Variants in MPHOSPH9 observed in about 807,000 individuals in gnomAD.
MPHOSPH9 encodes the protein M-phase phosphoprotein 9.
Under a neutral mutation model 145.5 loss-of-function variants are expected in MPHOSPH9, and 88 were observed. That is an observed-to-expected ratio of 0.60 (90% CI 0.51 to 0.72). The LOEUF (loss-of-function observed/expected upper bound fraction) is 0.72, where lower values mean the gene tolerates loss of function less well. Ranked by LOEUF, MPHOSPH9 falls within the 30% of genes least tolerant of loss-of-function variation. The pLI is 0.00. For missense variants in MPHOSPH9, 1,238 were observed against 1,386.6 expected, an observed-to-expected ratio of 0.89 and a Z score of 1.70; for synonymous variants, 435 against 486.2, an observed-to-expected ratio of 0.89 and a Z score of 1.39.
chr12:123,203,502 T>G lies in MPHOSPH9; in HGVS notation c.1195-127A>C, dbSNP rs964308680. 13 of 844,668 alleles carry G rather than the reference T, an allele frequency of 1.5e-5. No homozygotes were observed. In the African/African-American group the frequency reaches 2.2e-4, roughly 15 times the overall value. 52.3% of individuals were successfully genotyped at this position (844,668 alleles called of 1,614,324 possible). A position where few individuals can be genotyped will look rare whatever the true frequency, so the allele number is the denominator to read the frequency against. On this transcript the variant is annotated intron_variant, in intron 8 of 23. Coordinates refer to ENST00000606320, the MANE Select transcript of MPHOSPH9 (RefSeq NM_022782.4). ...AATTGAAAATGTAGACTGTCAGATT[T>G]GTAATACAAGCTTGGAAGTCATTAC...
At chr12:123,203,489 A>G in intron 8 of MPHOSPH9, 114 bp from the exon 9 acceptor site, 8 of 923,518 alleles carry the variant, frequency 8.7e-6, no homozygotes, top group Non-Finnish European at 1.3e-5. Flanking sequence ...TTGAAAATGT[A>G]GACTGTCAGA....
At chr12:123,230,131 A>G in intron 2 of MPHOSPH9, 130 bp downstream of exon 2, 1 of 606,244 alleles carries the variant, frequency 1.6e-6, no homozygotes, top group South Asian at 2.2e-5. Context: ...CTCCCTGAAC[A>G]TTCTTGATGA....
chr12:123,226,338 G>C, intron 3 of MPHOSPH9: 2 of 1,167,686 alleles, frequency 1.7e-6, no homozygotes. Context: ...CTTTCATTTC[G>C]CTTACTCTAC....
intron 16 of MPHOSPH9, among the ~76,000 whole-genome samples, chr12:123,167,763 C>T (rs930717259): frequency 2.0e-5 from 3 of 152,118 alleles, no homozygotes; most frequent in South Asian, 2.1e-4. Flanking sequence ...TACTGAACAG[C>T]GCAATTCTAG....
At position 123,221,765 on chromosome 12, in the gene MPHOSPH9, CT is replaced by C; in HGVS notation, c.478del (p.Ser160ValfsTer36). 1 of 1,614,020 alleles carries C rather than the reference CT, an allele frequency of 6.2e-7. No homozygotes were observed. Among genetic ancestry groups the C allele is most frequent in the Admixed American group, 1.7e-5 (1 of 59,974 alleles). ...ATGGATAACAGATTCATTTCTCTCA[CT>C]GCTTAGAGAAAAAAAACCCATTTGA... ...ESQMGFFSLS[S>X]ERNESVIHYP... is the part of the protein sequence containing the mutation. On this transcript the variant is annotated frameshift_variant, in exon 5 of 24. Coordinates refer to ENST00000606320, the MANE Select transcript of MPHOSPH9 (RefSeq NM_022782.4). LOFTEE classifies it high-confidence loss of function.
At position 123,193,092 on chromosome 12, in the gene MPHOSPH9, A is replaced by ATAT. The variant is rs1264858518; in HGVS notation, c.2241+1293_2241+1294insATA. ...CTTTCAAAAAAAAAAAAAAAAAAAA[A>ATAT]AAAAATATATATATATACACACACA... On this transcript the variant is annotated intron_variant, in intron 13 of 23. Coordinates refer to ENST00000606320, the MANE Select transcript of MPHOSPH9 (RefSeq NM_022782.4). Among the ~76,000 whole-genome samples, 28 of 60,354 alleles carry ATAT rather than the reference A, an allele frequency of 4.6e-4. 1 individual carries two copies. Among genetic ancestry groups the ATAT allele is most frequent in the African/African-American group, 1.2e-3 (27 of 21,834 alleles). 39.6% of individuals were successfully genotyped at this position (60,354 alleles called of 152,430 possible). A position where few individuals can be genotyped will look rare whatever the true frequency, so the allele number is the denominator to read the frequency against.
In MPHOSPH9 at chr12:123,162,119, C is replaced by T. The variant is rs776857728; in HGVS notation, c.3129G>A (p.Ser1043=). ...KQLQFLPLDD[S]EEKTYSEKAT... ...ATATTTTTTAGGAAAAGATACCTTC[C>T]GAGTCATCTAGAGGAAGAAACTGGA... Residue 1043 remains serine, a synonymous_variant, in exon 21 of 24, where the codon TCG becomes TCA. Transcript: ENST00000606320. 3.4e-5 allele frequency: 52 copies of T among 1,548,806 alleles called. No homozygotes were observed. The highest frequency in any genetic ancestry group is 4.0e-5 in the Non-Finnish European group (46 of 1,140,294).
chr12:123,168,543 C>T (rs976178973), intron 16 of MPHOSPH9, among the ~76,000 whole-genome samples: 41 of 151,806 alleles, frequency 2.7e-4, no homozygotes, highest in African/African-American at 9.7e-4. Context: ...GGGGTTTCAC[C>T]GTGTTAGCCA....
intron 7 of MPHOSPH9, among the ~76,000 whole-genome samples, chr12:123,210,835 C>T (rs2046670726): frequency 6.6e-6 from 1 of 151,904 alleles, no homozygotes; most frequent in African/African-American, 2.4e-5. Context: ...CTCTGTTGCC[C>T]AAGATGGAAT....
At chr12:123,238,240 A>G (rs543635889) in intron 1 of MPHOSPH9, among the ~76,000 whole-genome samples, 3 of 152,304 alleles carry the variant, frequency 2.0e-5, no homozygotes, top group African/African-American at 7.2e-5. Flanking sequence ...AGCATTTGTC[A>G]GAAAATCATT....
upstream of MPHOSPH9, among the ~76,000 whole-genome samples, chr12:123,235,527 G>A (rs1257216510): frequency 6.6e-6 from 1 of 151,128 alleles, no homozygotes; most frequent in Admixed American, 6.6e-5. Flanking sequence ...ACCAGGCCCA[G>A]CTAATTTTTT....
intron 16 of MPHOSPH9, among the ~76,000 whole-genome samples, chr12:123,175,052 C>G (rs2044772388): frequency 6.6e-6 from 1 of 152,152 alleles, no homozygotes; most frequent in African/African-American, 2.4e-5. Context: ...CTTTCCTTCT[C>G]CATCTTCTCA....
intron 8 of MPHOSPH9, among the ~76,000 whole-genome samples, chr12:123,205,621 C>A (rs1034829419): frequency 6.6e-6 from 1 of 152,086 alleles, no homozygotes; most frequent in Non-Finnish European, 1.5e-5. Flanking sequence ...CCTAAAGAAG[C>A]CTTTTCAAGA....
At chr12:123,203,195 G>A (rs2046294541) in intron 9 of MPHOSPH9, 55 bp downstream of exon 9, 3 of 1,600,346 alleles carry the variant, frequency 1.9e-6, no homozygotes, top group Non-Finnish European at 1.7e-6. Flanking sequence ...TGAGGTAAAA[G>A]TTAGAGTCAG....
chr12:123,194,601 T>G lies in MPHOSPH9; in HGVS notation c.2026A>C (p.Asn676His). 6.4e-7 allele frequency: 1 copy of G among 1,568,150 alleles called. No individual in the cohort carries two copies. Among genetic ancestry groups the G allele is most frequent in the Non-Finnish European group, 8.6e-7 (1 of 1,166,298 alleles). ...GCACTGAAGCGTTCTCTCAAATCATTCTATAAAACAAAGACAAACATAATT... is the reference window on the plus strand; with the variant it reads ...GCACTGAAGCGTTCTCTCAAATCATGCTATAAAACAAAGACAAACATAATT... ...NKNNLLEIEVNDLRERFSAAS... is the reference protein window; with the variant it reads ...NKNNLLEIEVHDLRERFSAAS... The change falls in exon 13 of 24, where the codon AAT (asparagine) becomes CAT (histidine). Residue 676 changes from asparagine to histidine, a missense_variant and splice_region_variant. Asn to His is a moderately conservative substitution (Grantham distance 68, BLOSUM62 1). Around this residue, in one of 3 missense-constraint regions of MPHOSPH9, gnomAD observed 837 missense variants for 897.5 expected, o/e 0.93. Coordinates refer to ENST00000606320, the MANE Select transcript of MPHOSPH9 (RefSeq NM_022782.4).
intron 1 of MPHOSPH9, among the ~76,000 whole-genome samples, chr12:123,241,473 G>A (rs1364684028): frequency 6.6e-6 from 1 of 152,002 alleles, no homozygotes; most frequent in Non-Finnish European, 1.5e-5. Flanking sequence ...CAAGTAGCTG[G>A]GACTACAGGT....
intron 13 of MPHOSPH9, among the ~76,000 whole-genome samples, chr12:123,184,493 ATTTAAT>A (rs1009598137): frequency 1.9e-4 from 19 of 102,648 alleles, no homozygotes; most frequent in Non-Finnish European, 3.1e-4. Context: ...CTTCGCTTTA[ATTTAAT>A]TTTTTTTTTT....
intron 12 of MPHOSPH9, among the ~76,000 whole-genome samples, chr12:123,195,510 C>T (rs2045905965): frequency 6.6e-6 from 1 of 151,702 alleles, no homozygotes; most frequent in Non-Finnish European, 1.5e-5. Flanking sequence ...CACTTGAACC[C>T]AGGAGGCGGA....
intron 6 of MPHOSPH9, among the ~76,000 whole-genome samples, chr12:123,216,190 A>T (rs2046952502): frequency 6.6e-6 from 1 of 152,218 alleles, no homozygotes; most frequent in South Asian, 2.1e-4. Flanking sequence ...ACAGTACTAA[A>T]GGGCTTTCCT....
Sources: allele counts gnomAD v4.1 joint callset (sites outside exome capture counted in the v4.1 genomes callset), GRCh38; gene constraint gnomAD v4.1.1; regional missense constraint gnomAD v4.1.1; transcripts MANE v1.5; gene names NCBI Gene and HGNC (gene_info 2026-07-23, HGNC 2026-07-21).